Variants in CACNA1C observed in about 807,000 individuals in gnomAD.
CACNA1C encodes the protein voltage-dependent L-type calcium channel subunit alpha-1C.
CACNA1C carries 30 observed loss-of-function variants against 229.0 expected under a neutral mutation model. That is an observed-to-expected ratio of 0.13 (90% confidence interval 0.10 to 0.18). The LOEUF (loss-of-function observed/expected upper bound fraction) is 0.18, where lower values mean the gene tolerates loss of function less well. Among genes scored for constraint, CACNA1C ranks in the 10% least tolerant of loss-of-function variants. CACNA1C has a pLI of 1.00. For missense variants in CACNA1C, 1,658 were observed against 2,845.0 expected, an observed-to-expected ratio of 0.58 and a Z score of 9.49; for synonymous variants, 1,114 against 1,132.5, an observed-to-expected ratio of 0.98 and a Z score of 0.33.
At position 2,535,704 on chromosome 12, in the gene CACNA1C, T is replaced by TAAAAAAA. The variant is rs758857733; in HGVS notation, c.1391-14216_1391-14210dup. ...CTGGGTGACAGAGCAAGACCCTGTCTAAAAAAAAAAAAAAAAAAAAAAAAA... is the reference window on the plus strand; with the variant it reads ...CTGGGTGACAGAGCAAGACCCTGTCTAAAAAAAAAAAAAAAAAAAAAAAAAAAAAAAA... On this transcript the variant is annotated intron_variant, in intron 9 of 46. Coordinates refer to ENST00000399655, the MANE Select transcript of CACNA1C (RefSeq NM_000719.7). 1.3e-3 allele frequency among the ~76,000 whole-genome samples: 49 copies of TAAAAAAA among 36,558 alleles called. 1 individual carries two copies. The highest frequency in any genetic ancestry group is 3.7e-3 in the African/African-American group (42 of 11,346). The allele number at this position is 36,558 out of a possible 152,430, so 24.0% of individuals were successfully genotyped here. A position where few individuals can be genotyped will look rare whatever the true frequency, so the allele number is the denominator to read the frequency against.
intron 4 of CACNA1C, among the ~76,000 whole-genome samples, chr12:2,450,404 CTT>C (rs1324339314): frequency 6.6e-6 from 1 of 151,458 alleles, no homozygotes; most frequent in Admixed American, 6.6e-5. Flanking sequence ...AATACAAAAA[CTT>C]AGCCGGGCGA....
intron 3 of CACNA1C, among the ~76,000 whole-genome samples, chr12:2,159,072 A>G (rs1416964210): frequency 6.6e-6 from 1 of 152,232 alleles, no homozygotes; most frequent in African/African-American, 2.4e-5. Context: ...ATGGAATGGA[A>G]TACCAAAAGA....
chr12:2,201,462 A>C (rs1352296674), intron 3 of CACNA1C, among the ~76,000 whole-genome samples: 1 of 152,232 alleles, frequency 6.6e-6, no homozygotes, highest in East Asian at 1.9e-4. Context: ...GTCCATACAG[A>C]GTCCCAGAGA....
rs764364141 is a variant in CACNA1C at position 2,138,768 on chromosome 12, G to T, written c.477+18338G>T. The stretch of plus-strand genomic sequence containing the variant: ...GATGCTAGAGCCATGCCTCTTGTGC[G>T]GCCTGCAGAACCGTGAGCCAAATAC... On this transcript the variant is annotated intron_variant, in intron 3 of 46. Coordinates refer to ENST00000399655, the MANE Select transcript of CACNA1C (RefSeq NM_000719.7). 1.3e-5 allele frequency among the ~76,000 whole-genome samples: 2 copies of T among 151,052 alleles called. 1 individual carries two copies. The highest frequency in any genetic ancestry group is 3.0e-5 in the Non-Finnish European group (2 of 67,542).
chr12:2,680,414 C>A, intron 42 of CACNA1C: 1 of 1,560,782 alleles, frequency 6.4e-7, no homozygotes, highest in Non-Finnish European at 8.7e-7. Context: ...CCGCCCTGGG[C>A]CCCCGCAGGG....
In CACNA1C at chr12:2,525,807, C is replaced by T. The variant is rs1284087593; in HGVS notation, c.1390+12823C>T. 3.2e-4 allele frequency among the ~76,000 whole-genome samples: 49 copies of T among 152,182 alleles called. 1 individual carries two copies. On this transcript the variant is annotated intron_variant, in intron 9 of 46. Coordinates refer to ENST00000399655, the MANE Select transcript of CACNA1C (RefSeq NM_000719.7). ...AGTGTTTCCAGAAGAGATTTCTACC[C>T]TCATATAATAGGAGAGACTTTGTCC... is the stretch of plus-strand genomic sequence containing the variant.
chr12:2,115,384 T>C lies in CACNA1C; in HGVS notation c.210T>C (p.Asn70=). 1 of 1,609,332 alleles carries C rather than the reference T, an allele frequency of 6.2e-7. No homozygotes were observed. Among genetic ancestry groups the C allele is most frequent in the Non-Finnish European group, 8.5e-7 (1 of 1,178,982 alleles). Reference sequence around the variant, plus strand: ...CTAAGCTGATGGGCAGCGCTGGCAATGCGACCATCTCCACAGTCAGCTCCA... The same window carrying C: ...CTAAGCTGATGGGCAGCGCTGGCAACGCGACCATCTCCACAGTCAGCTCCA... ...RQAKLMGSAG[N]ATISTVSSTQ... Residue 70 remains asparagine, a synonymous_variant, in exon 2 of 47, where the codon AAT becomes AAC. Coordinates refer to ENST00000399655, the MANE Select transcript of CACNA1C (RefSeq NM_000719.7).
chr12:2,015,668 G>A (rs2045247919), intron 1 of CACNA1C, among the ~76,000 whole-genome samples: 1 of 152,198 alleles, frequency 6.6e-6, no homozygotes, highest in South Asian at 2.1e-4. Context: ...TCATCCAGAG[G>A]AGTTAATAGG....
At chr12:2,538,467 T>C (rs1184958038) in intron 9 of CACNA1C, among the ~76,000 whole-genome samples, 1 of 152,032 alleles carries the variant, frequency 6.6e-6, no homozygotes, top group Non-Finnish European at 1.5e-5. Flanking sequence ...TTTTCTCTCA[T>C]CCACTCTTTC....
intron 6 of CACNA1C, among the ~76,000 whole-genome samples, chr12:2,489,827 G>C (rs1490262036): frequency 6.6e-6 from 1 of 152,176 alleles, no homozygotes; most frequent in Admixed American, 6.5e-5. Context: ...GGACTTTCCA[G>C]AATGACTCTA....
At chr12:2,377,662 C>T (rs976623071) in intron 3 of CACNA1C, among the ~76,000 whole-genome samples, 5 of 152,178 alleles carry the variant, frequency 3.3e-5, no homozygotes, top group African/African-American at 1.2e-4. Context: ...TTTATCTCCT[C>T]CAGTCTGCAC....
intron 3 of CACNA1C, among the ~76,000 whole-genome samples, chr12:2,277,867 G>A (rs182597242): frequency 5.3e-5 from 8 of 152,270 alleles, no homozygotes; most frequent in African/African-American, 1.7e-4. Flanking sequence ...TGTTACACTC[G>A]CACAGAGCAA....
chr12:2,694,570 G>T lies in CACNA1C; in HGVS notation c.*3371G>T, dbSNP rs149531826. 1 of 152,182 alleles carries T rather than the reference G, an allele frequency of 6.6e-6. No individual in the cohort carries two copies. Among genetic ancestry groups the T allele is most frequent in the Non-Finnish European group, 1.5e-5 (1 of 68,044 alleles). 9.4% of individuals were successfully genotyped at this position (152,182 alleles called of 1,614,324 possible). A position where few individuals can be genotyped will look rare whatever the true frequency, so the allele number is the denominator to read the frequency against. On this transcript the variant is annotated 3_prime_UTR_variant, in exon 47 of 47. Coordinates refer to ENST00000399655, the MANE Select transcript of CACNA1C (RefSeq NM_000719.7). ...TAATCCAATAGGCCTCACTCTCACT[G>T]GGAAATCCACTCAAAGGAACAAGGC...
At chr12:2,344,209 A>T (rs1297246322) in intron 3 of CACNA1C, among the ~76,000 whole-genome samples, 1 of 152,156 alleles carries the variant, frequency 6.6e-6, no homozygotes, top group African/African-American at 2.4e-5. Flanking sequence ...GATTGCTACT[A>T]CTGTTAGGAA....
At chr12:2,047,849 G>A (rs991111056) in intron 1 of CACNA1C, among the ~76,000 whole-genome samples, 2 of 152,216 alleles carry the variant, frequency 1.3e-5, no homozygotes, top group Admixed American at 6.5e-5. Context: ...TGAAGTTGCC[G>A]TAATGCCAAA....
chr12:2,204,937 TAAA>T, intron 3 of CACNA1C, among the ~76,000 whole-genome samples: 1 of 128,144 alleles, frequency 7.8e-6, no homozygotes, highest in South Asian at 2.7e-4. Flanking sequence ...AAAACTTTAA[TAAA>T]AAAAAATAAA....
At chr12:2,474,777 GA>G (rs2099615049) in intron 5 of CACNA1C, among the ~76,000 whole-genome samples, 1 of 145,818 alleles carries the variant, frequency 6.9e-6, no homozygotes, top group Admixed American at 6.9e-5. Context: ...AAAAAAGAAA[GA>G]AAGAAAAAGA....
Position 2,693,472 on chromosome 12 carries a change from G to C in CACNA1C, c.*2273G>C, listed in dbSNP as rs1028073232. On this transcript the variant is annotated 3_prime_UTR_variant, in exon 47 of 47. Transcript: ENST00000399655. ...GGATTCTTGTTGCTCTACCCAACAA[G>C]GACAGCAGGGGCTCGAGAAAGGAAC... The C allele has an allele frequency of 6.6e-6, 1 of 152,216 alleles. No individual in the cohort carries two copies. The highest frequency in any genetic ancestry group is 2.4e-5 in the African/African-American group (1 of 41,452). The allele number at this position is 152,216 out of a possible 1,614,324, so 9.4% of individuals were successfully genotyped here. A position where few individuals can be genotyped will look rare whatever the true frequency, so the allele number is the denominator to read the frequency against.
chr12:2,120,465 C>G, intron 3 of CACNA1C, 35 bp downstream of exon 3: 1 of 1,154,828 alleles, frequency 8.7e-7, no homozygotes, highest in Non-Finnish European at 1.3e-6. Context: ...TGCTTTTTCA[C>G]TCGATGGAGA....
Sources: allele counts gnomAD v4.1 joint callset (sites outside exome capture counted in the v4.1 genomes callset), GRCh38; gene constraint gnomAD v4.1.1; transcripts MANE v1.5; gene names NCBI Gene and HGNC (gene_info 2026-07-23, HGNC 2026-07-21).